Variants in SLC7A11 observed in about 807,000 individuals in gnomAD.
SLC7A11 encodes cystine/glutamate transporter.
In SLC7A11, 35 loss-of-function variants were observed where a neutral mutation model predicts 54.5. That is an observed-to-expected ratio of 0.64 (90% CI 0.49 to 0.85). The LOEUF (loss-of-function observed/expected upper bound fraction) is 0.85. Ranked by LOEUF, SLC7A11 falls within the 40% of genes least tolerant of loss-of-function variation. The pLI, the probability that SLC7A11 is intolerant of heterozygous loss-of-function variation, is 0.00. For missense variants in SLC7A11, 583 were observed against 618.1 expected (o/e 0.94, Z 0.60); for synonymous variants, 230 against 225.2 (o/e 1.02, Z -0.19).
intron 1 of SLC7A11, among the ~76,000 whole-genome samples, chr4:138,240,783 C>T (rs1738357640): frequency 6.6e-6 from 1 of 152,050 alleles, no homozygotes; most frequent in Admixed American, 6.6e-5. Context: ...AGAATCTTTC[C>T]CAAGAAGAGT....
rs780032530 is a variant in SLC7A11 at position 138,172,020 on chromosome 4, A to G, written c.1445-3T>C. On this transcript the variant is annotated splice_region_variant and splice_polypyrimidine_tract_variant and intron_variant, in intron 11 of 11. Transcript: ENST00000280612. ...TTGTAATGTTCTGGTTATTTTCTCT[A>G]CAAAGAAATAAAAATGAATTAAAAA... 9 of 1,576,052 alleles carry G rather than the reference A, an allele frequency of 5.7e-6. No homozygotes were observed. The East Asian group carries it at 2.1e-4, about 36-fold the overall frequency.
rs924026429 is a variant in SLC7A11 at position 138,171,942 on chromosome 4, T to C, written c.*14A>G. Reference sequence around the variant, plus strand: ...TCCCCTTGGGCAGATTGCCAAGATCTCAAGTCCATTAGTTCATAACTTATC... The same window carrying C: ...TCCCCTTGGGCAGATTGCCAAGATCCCAAGTCCATTAGTTCATAACTTATC... On this transcript the variant is annotated 3_prime_UTR_variant, in exon 12 of 12. Coordinates refer to ENST00000280612, the MANE Select transcript of SLC7A11 (RefSeq NM_014331.4). 5 of 1,582,372 alleles carry C rather than the reference T, an allele frequency of 3.2e-6. No homozygotes were observed. In the African/African-American group the frequency reaches 4.1e-5, roughly 13 times the overall value.
Position 138,242,308 on chromosome 4 carries a change from ACTGCTGCTG to A in SLC7A11, c.-248_-240del, listed in dbSNP as rs953811634. 3 of 547,506 alleles carry A rather than the reference ACTGCTGCTG, an allele frequency of 5.5e-6. No individual in the cohort carries two copies. Among genetic ancestry groups the A allele is most frequent in the East Asian group, 3.2e-5 (1 of 30,976 alleles). The allele number at this position is 547,506 out of a possible 1,614,324, so 33.9% of individuals were successfully genotyped here. A position where few individuals can be genotyped will look rare whatever the true frequency, so the allele number is the denominator to read the frequency against. ...CAATTCTCCACCTCCTCGTTCCACC[ACTGCTGCTG>A]CTGCTGCTGCTGCCGCCCTATCATT... is the stretch of plus-strand genomic sequence containing the variant. On this transcript the variant is annotated 5_prime_UTR_variant, in exon 1 of 12. Transcript: ENST00000280612.
chr4:138,209,680 T>C (rs928009259), intron 6 of SLC7A11, among the ~76,000 whole-genome samples: 1 of 151,932 alleles, frequency 6.6e-6, no homozygotes, highest in Non-Finnish European at 1.5e-5. Flanking sequence ...GAAATACATC[T>C]AACCAAGGAA....
At chr4:138,213,113 A>G (rs1737591508) in intron 6 of SLC7A11, among the ~76,000 whole-genome samples, 1 of 152,104 alleles carries the variant, frequency 6.6e-6, no homozygotes, top group African/African-American at 2.4e-5. Flanking sequence ...ATGGGTTTAC[A>G]GTCGTAAGGT....
At chr4:138,240,452 A>G (rs1738348342) in intron 1 of SLC7A11, among the ~76,000 whole-genome samples, 1 of 151,806 alleles carries the variant, frequency 6.6e-6, no homozygotes. Context: ...CTGTAGTCCC[A>G]GCTACTCGGG....
chr4:138,233,727 A>T (rs1385473449), intron 2 of SLC7A11, among the ~76,000 whole-genome samples: 1 of 152,164 alleles, frequency 6.6e-6, no homozygotes, highest in Non-Finnish European at 1.5e-5. Context: ...ACAATTTTTT[A>T]TGTATAATTT....
chr4:138,226,523 C>T (rs1483469440), intron 3 of SLC7A11, among the ~76,000 whole-genome samples: 3 of 151,812 alleles, frequency 2.0e-5, no homozygotes, highest in Non-Finnish European at 4.4e-5. Flanking sequence ...CTGAGATGCC[C>T]CTGAATTACC....
rs779826995 is a variant in SLC7A11, at chr4:138,185,231, CA to C, written c.804del (p.Ala269GlnfsTer15). ...ACAATGGCCATGGATATACATATTG[CA>C]AGGGGAATGGTTCTGAAATGCACAA... Reference protein sequence around the residue: ...EVENPEKTIPLAICISMAIVT... With the variant: ...EVENPEKTIPXAICISMAIVT... On this transcript the variant is annotated frameshift_variant, in exon 7 of 12. Transcript: ENST00000280612. LOFTEE classifies it high-confidence loss of function. The C allele has an allele frequency of 1.2e-6, 2 of 1,612,636 alleles. No individual in the cohort carries two copies. Among genetic ancestry groups the C allele is most frequent in the Admixed American group, 1.7e-5 (1 of 59,928 alleles).
intron 6 of SLC7A11, among the ~76,000 whole-genome samples, chr4:138,205,599 C>T (rs913106507): frequency 1.3e-5 from 2 of 152,030 alleles, no homozygotes; most frequent in Non-Finnish European, 2.9e-5. Flanking sequence ...CAGCACCAGG[C>T]CTTGGACTAG....
At chr4:138,197,408 G>A (rs1414440376) in intron 6 of SLC7A11, among the ~76,000 whole-genome samples, 8 of 152,068 alleles carry the variant, frequency 5.3e-5, no homozygotes, top group African/African-American at 1.9e-4. Context: ...ACAAAAAGAG[G>A]AAGATTAATG....
At position 138,211,295 on chromosome 4, in the gene SLC7A11, C is replaced by T. The variant is rs1021892573; in HGVS notation, c.791+3290G>A. 2.6e-5 allele frequency among the ~76,000 whole-genome samples: 4 copies of T among 151,738 alleles called. No individual in the cohort carries two copies. In the East Asian group the frequency reaches 7.8e-4, roughly 29 times the overall value. Reference sequence around the variant, plus strand: ...GAAAAACTACCTACTGGGTACTATGCCCCATACCCAACAGTAACAGGATAA... The same window carrying T: ...GAAAAACTACCTACTGGGTACTATGTCCCATACCCAACAGTAACAGGATAA... On this transcript the variant is annotated intron_variant, in intron 6 of 11. Transcript: ENST00000280612.
intron 6 of SLC7A11, among the ~76,000 whole-genome samples, chr4:138,211,368 A>T (rs1164642372): frequency 1.3e-5 from 2 of 151,868 alleles, no homozygotes; most frequent in African/African-American, 4.8e-5. Flanking sequence ...TATAACAAAT[A>T]AAAAAACTTT....
At chr4:138,193,153 C>T (rs992208268) in intron 6 of SLC7A11, among the ~76,000 whole-genome samples, 3 of 152,088 alleles carry the variant, frequency 2.0e-5, no homozygotes, top group South Asian at 2.1e-4. Context: ...TCCCACCAAA[C>T]GAACTACTGC....
At chr4:138,181,330 T>C (rs184903193) in intron 9 of SLC7A11, among the ~76,000 whole-genome samples, 1 of 152,160 alleles carries the variant, frequency 6.6e-6, no homozygotes, top group Admixed American at 6.6e-5. Context: ...ACATTTACTC[T>C]CCTGGTGTGC....
chr4:138,218,037 A>G (rs1453324966), intron 5 of SLC7A11, among the ~76,000 whole-genome samples: 2 of 152,196 alleles, frequency 1.3e-5, no homozygotes, highest in African/African-American at 4.8e-5. Context: ...TCTTCTAACA[A>G]TCTTCAAGCA....
At chr4:138,182,158 T>G in intron 9 of SLC7A11, 139 bp downstream of exon 9, 1 of 580,776 alleles carries the variant, frequency 1.7e-6, no homozygotes, top group Non-Finnish European at 3.1e-6. Context: ...ATGGAAGATA[T>G]CCTGCCTCCC....
At position 138,171,734 on chromosome 4, in the gene SLC7A11, C is replaced by T. The variant is rs556733693; in HGVS notation, c.*222G>A. The stretch of plus-strand genomic sequence containing the variant: ...AGGTATCAGAGACTCAAGAATTGTG[C>T]GACTCATAGAATAACTGCATATTCA... On this transcript the variant is annotated 3_prime_UTR_variant, in exon 12 of 12. Coordinates refer to ENST00000280612, the MANE Select transcript of SLC7A11 (RefSeq NM_014331.4). 3.7e-4 allele frequency: 182 copies of T among 488,294 alleles called. No homozygotes were observed. The highest frequency in any genetic ancestry group is 2.6e-4 in the South Asian group (9 of 34,634). The allele number at this position is 488,294 out of a possible 1,614,324, so 30.2% of individuals were successfully genotyped here. A position where few individuals can be genotyped will look rare whatever the true frequency, so the allele number is the denominator to read the frequency against.
At position 138,168,915 on chromosome 4, in the gene SLC7A11, G is replaced by T. The variant is rs1736338045; in HGVS notation, c.*3041C>A. On this transcript the variant is annotated 3_prime_UTR_variant, in exon 12 of 12. Transcript: ENST00000280612. ...AAATGGGGTCAAAACAGTATTATAA[G>T]GAAAATATTTACTGCAAATATTTAT... 1 of 152,048 alleles carries T rather than the reference G, an allele frequency of 6.6e-6. No homozygotes were observed. Among genetic ancestry groups the T allele is most frequent in the East Asian group, 1.9e-4 (1 of 5,186 alleles). The allele number at this position is 152,048 out of a possible 1,614,324, so 9.4% of individuals were successfully genotyped here.
Sources: allele counts gnomAD v4.1 joint callset (sites outside exome capture counted in the v4.1 genomes callset), GRCh38; gene constraint gnomAD v4.1.1; transcripts MANE v1.5; gene names NCBI Gene and HGNC (gene_info 2026-07-23, HGNC 2026-07-21).